DTNA: variants seen among roughly 807,000 people sequenced by gnomAD.
DTNA encodes dystrobrevin alpha, also known as dystrophin-related protein 3.
A neutral mutation model predicts 100.7 loss-of-function variants in DTNA; 43 were observed. The ratio of observed to expected loss-of-function variants is 0.43; its 90% CI spans 0.33 to 0.55. The LOEUF (loss-of-function observed/expected upper bound fraction) is 0.55, where lower values mean the gene tolerates loss of function less well. Ranked by LOEUF, DTNA falls within the 20% of genes least tolerant of loss-of-function variation. The pLI is 0.04. For missense variants in DTNA, 798 were observed against 953.9 expected (o/e 0.84, Z 2.15); for synonymous variants, 349 against 347.9 (o/e 1.00, Z -0.04).
At chr18:34,609,612 T>G (rs16965641) in intron 1 of DTNA, among the ~76,000 whole-genome samples, 4 of 152,210 alleles carry the variant, frequency 2.6e-5, no homozygotes, top group African/African-American at 9.6e-5. Flanking sequence ...GGGTGCCTGA[T>G]ATAGCTACTG....
At chr18:34,775,258 G>A (rs545633737) in intron 3 of DTNA, among the ~76,000 whole-genome samples, 7 of 152,218 alleles carry the variant, frequency 4.6e-5, no homozygotes, top group African/African-American at 1.4e-4. Flanking sequence ...AGGCCGAGGC[G>A]GGCGGATCAC....
chr18:34,625,913 G>A lies in DTNA; in HGVS notation c.-1-130063G>A, dbSNP rs545241922. On this transcript the variant is annotated intron_variant, in intron 1 of 19. Coordinates refer to the DTNA transcript ENST00000283365. The stretch of plus-strand genomic sequence containing the variant: ...GAGACTGACCTGGCCAAAGCATGAG[G>A]TCTTCTTTGGGGAACCTTGGAAGAA... Among the ~76,000 whole-genome samples the A allele has an allele frequency of 6.6e-5, 10 of 152,290 alleles. 1 individual carries two copies. The South Asian group carries it at 2.1e-3, about 32-fold the overall frequency.
In DTNA at chr18:34,665,830, C is replaced by T. The variant is rs528812044; in HGVS notation, c.-1-90146C>T. ...CTTAATCCAGTCTATCACTGTTGGA[C>T]ATTTGGGTTGGTTCCAAGTCTTTGC... On this transcript the variant is annotated intron_variant, in intron 1 of 19. Coordinates refer to the DTNA transcript ENST00000283365. 1.9e-3 allele frequency among the ~76,000 whole-genome samples: 296 copies of T among 152,290 alleles called. 2 individuals are homozygous for T. The highest frequency in any genetic ancestry group is 6.9e-3 in the African/African-American group (285 of 41,564).
intron 17 of DTNA, chr18:34,868,608 T>C: frequency 1.0e-6 from 1 of 985,474 alleles, no homozygotes; most frequent in Non-Finnish European, 1.2e-6. Flanking sequence ...TAACCTCTAC[T>C]TGCTTTATCA....
At chr18:34,510,974 G>C (rs2041021331) in intron 1 of DTNA, among the ~76,000 whole-genome samples, 2 of 152,020 alleles carry the variant, frequency 1.3e-5, no homozygotes, top group African/African-American at 2.4e-5. Context: ...GATTGGTATT[G>C]ACAGAAAAGC....
At chr18:34,562,884 C>T (rs1043975465) in intron 1 of DTNA, among the ~76,000 whole-genome samples, 24 of 152,168 alleles carry the variant, frequency 1.6e-4, no homozygotes, top group Non-Finnish European at 2.5e-4. Context: ...TAAAGATCTT[C>T]TCCAAATTTA....
intron 17 of DTNA, among the ~76,000 whole-genome samples, chr18:34,873,248 C>T (rs150086396): frequency 3.0e-4 from 45 of 152,210 alleles, no homozygotes; most frequent in Non-Finnish European, 5.4e-4. Context: ...ATCTGAGTTC[C>T]CAGGGATGAG....
chr18:34,774,967 G>A (rs917948328), intron 3 of DTNA, among the ~76,000 whole-genome samples: 1 of 152,148 alleles, frequency 6.6e-6, no homozygotes, highest in Admixed American at 6.5e-5. Flanking sequence ...ACATCTTTCT[G>A]TGCTGACTAC....
rs567212485 is a variant in DTNA, at chr18:34,694,160, C to G, written c.-1-61816C>G. Among the ~76,000 whole-genome samples the G allele has an allele frequency of 3.9e-5, 6 of 152,148 alleles. No individual in the cohort carries two copies. The East Asian group carries it at 1.2e-3, about 29-fold the overall frequency. On this transcript the variant is annotated intron_variant, in intron 1 of 19. Transcript: ENST00000283365. ...AAAATGAGAAATCTGTTCACATTCC[C>G]ATGTTATGTTCCTGATTAGTTATCT...
intron 17 of DTNA, among the ~76,000 whole-genome samples, chr18:34,865,254 C>T (rs1303442684): frequency 6.6e-6 from 1 of 151,234 alleles, no homozygotes; most frequent in Admixed American, 6.6e-5. Context: ...CTTTCTTTCT[C>T]TCTTTTTTTT....
At chr18:34,641,222 A>G (rs1392832678) in intron 1 of DTNA, among the ~76,000 whole-genome samples, 2 of 152,240 alleles carry the variant, frequency 1.3e-5, no homozygotes, top group Non-Finnish European at 2.9e-5. Context: ...TTAGTGACTT[A>G]CCAAATCCCA....
intron 1 of DTNA, among the ~76,000 whole-genome samples, chr18:34,551,863 C>A (rs2045460022): frequency 6.6e-6 from 1 of 152,098 alleles, no homozygotes; most frequent in African/African-American, 2.4e-5. Context: ...CGCATAAGAC[C>A]CAAATAATGT....
intron 1 of DTNA, among the ~76,000 whole-genome samples, chr18:34,749,634 C>T (rs1327464510): frequency 2.0e-5 from 2 of 99,674 alleles, no homozygotes; most frequent in Non-Finnish European, 4.0e-5. Context: ...TCATGCACCT[C>T]TCTCCAAAAA....
chr18:34,799,132 T>C (rs2095107664), intron 4 of DTNA, among the ~76,000 whole-genome samples: 1 of 152,220 alleles, frequency 6.6e-6, no homozygotes, highest in Non-Finnish European at 1.5e-5. Context: ...ATGTTTTACA[T>C]TGTAGCATTA....
intron 1 of DTNA, among the ~76,000 whole-genome samples, chr18:34,546,233 A>C (rs1448331390): frequency 6.6e-6 from 1 of 152,072 alleles, no homozygotes; most frequent in Non-Finnish European, 1.5e-5. Context: ...ATTTCTTCTC[A>C]TATTGTCATA....
At chr18:34,887,666 C>CT (rs2096935065) in intron 22 of DTNA, 100 bp from the exon 23 acceptor site, 1 of 937,060 alleles carries the variant, frequency 1.1e-6, no homozygotes, top group Admixed American at 6.2e-5. Context: ...TGCGCGCGCA[C>CT]TTTCTTCTAT....
intron 1 of DTNA, among the ~76,000 whole-genome samples, chr18:34,604,169 C>T (rs558526931): frequency 2.0e-5 from 3 of 152,272 alleles, no homozygotes; most frequent in East Asian, 3.9e-4. Context: ...GTGGCTTAGG[C>T]GTGACCGGGT....
At chr18:34,731,965 T>C (rs1225770082) in intron 1 of DTNA, among the ~76,000 whole-genome samples, 1 of 152,192 alleles carries the variant, frequency 6.6e-6, no homozygotes, top group Non-Finnish European at 1.5e-5. Flanking sequence ...TGGGAAAGAT[T>C]AGCAGAGACT....
chr18:34,798,926 G>C (rs2095099413), intron 4 of DTNA, among the ~76,000 whole-genome samples: 1 of 152,124 alleles, frequency 6.6e-6, no homozygotes, highest in African/African-American at 2.4e-5. Flanking sequence ...TTTTGTTTCA[G>C]GAACTGTTTT....
Sources: allele counts gnomAD v4.1 joint callset (sites outside exome capture counted in the v4.1 genomes callset), GRCh38; gene constraint gnomAD v4.1.1; transcripts MANE v1.5; gene names NCBI Gene and HGNC (gene_info 2026-07-23, HGNC 2026-07-21).